The following GPR108 variants were observed in gnomAD, a reference collection of about 807,000 sequenced individuals.
GPR108 encodes G protein-coupled receptor 108, also known as protein GPR108.
Under a neutral mutation model 74.3 loss-of-function variants are expected in GPR108, and 60 were observed. The observed-to-expected ratio is 0.81, with a 90% CI of 0.66 to 1.00. GPR108 has a LOEUF of 1.00. GPR108 is among the 50% of genes least tolerant of loss of function. The pLI is 0.00. For synonymous variants in GPR108, 311 were observed against 292.4 expected (o/e 1.06, Z -0.65); for missense variants, 667 against 703.3 (o/e 0.95, Z 0.58).
At chr19:6,736,290 TCTCA>T (rs930570934) in intron 2 of GPR108, among the ~76,000 whole-genome samples, 21 of 152,166 alleles carry the variant, frequency 1.4e-4, no homozygotes, top group African/African-American at 4.6e-4. Context: ...GAGACGGGGT[TCTCA>T]CTATGTTGCC....
chr19:6,730,909 G>GCCCC, intron 17 of GPR108, 78 bp downstream of exon 17: 1 of 662,532 alleles, frequency 1.5e-6, no homozygotes, highest in Non-Finnish European at 2.3e-6. Context: ...CCTCCCCCCT[G>GCCCC]CCCACCCTGC....
In GPR108 at chr19:6,737,379, G is replaced by A. The variant is rs561698953; in HGVS notation, c.120+78C>T. Reference sequence around the variant, plus strand: ...GCCTCGGGGACGGGGGAGGGCGGACGAGACCACTCCAAGCCAGGGGGCTTC... The same window carrying A: ...GCCTCGGGGACGGGGGAGGGCGGACAAGACCACTCCAAGCCAGGGGGCTTC... On this transcript the variant is annotated intron_variant, in intron 1 of 17. Coordinates refer to ENST00000264080, the MANE Select transcript of GPR108 (RefSeq NM_001080452.2). 1.2e-3 allele frequency: 1,847 copies of A among 1,482,732 alleles called. 2 individuals carry two copies. Among genetic ancestry groups the A allele is most frequent in the Middle Eastern group, 2.1e-3 (9 of 4,370 alleles). The allele number at this position is 1,482,732 out of a possible 1,614,324, so 91.8% of individuals were successfully genotyped here.
rs1478777114 is a variant in GPR108, at chr19:6,733,646, T to G, written c.647A>C (p.Glu216Ala). 6.2e-7 allele frequency: 1 copy of G among 1,614,100 alleles called. No homozygotes were observed. The highest frequency in any genetic ancestry group is 1.7e-5 in the Admixed American group (1 of 60,016). Residue 216 changes from glutamate to alanine, a missense_variant, in exon 8 of 18, where the codon GAA (glutamate) becomes GCA (alanine). Transcript: ENST00000264080. ...SFHVVIGSQA[E>A]EGQYSLNFHN... is the part of the protein sequence containing the mutation. ...GAAGTTCAGGCTGTACTGGCCTTCT[T>G]CCGCCTGAGAGCCGATCACCACGTG...
In GPR108 at chr19:6,733,216, C is replaced by G; in HGVS notation, c.809G>C (p.Cys270Ser). 2 of 1,614,028 alleles carry G rather than the reference C, an allele frequency of 1.2e-6. No homozygotes were observed. Among genetic ancestry groups the G allele is most frequent in the Non-Finnish European group, 1.7e-6 (2 of 1,180,034 alleles). The change falls in exon 9 of 18, where the codon TGC becomes TCC. Residue 270 changes from cysteine to serine, a missense_variant. Transcript: ENST00000264080. Reference protein sequence around the residue: ...LFKLYMVMSACFLAAGIFWVS... With the variant: ...LFKLYMVMSASFLAAGIFWVS... ...CCAGAAGATGCCAGCGGCCAGGAAG[C>G]AGGCGGACATGACCATGTAGAGCTT...
At position 6,732,319 on chromosome 19, in the gene GPR108, T is replaced by C; in HGVS notation, c.1069A>G (p.Lys357Glu). The stretch of plus-strand genomic sequence containing the variant: ...TTCTCCTTATCCGACAGGACGTACT[T>C]GATGAAGGCCCAGCCTGAGCCAATC... ...ALIGSGWAFI[K>E]YVLSDKEKKV... The change falls in exon 12 of 18, where the codon AAG becomes GAG. Residue 357 changes from lysine to glutamate, a missense_variant. Lys to Glu is a moderately conservative substitution (Grantham distance 56). Transcript: ENST00000264080. 1 of 1,613,300 alleles carries C rather than the reference T, an allele frequency of 6.2e-7. No individual in the cohort carries two copies. Among genetic ancestry groups the C allele is most frequent in the Middle Eastern group, 1.6e-4 (1 of 6,062 alleles).
intron 8 of GPR108, 103 bp from the exon 9 acceptor site, chr19:6,733,404 C>T (rs1394114477): frequency 7.5e-7 from 1 of 1,330,394 alleles, no homozygotes; most frequent in Admixed American, 2.0e-5. Flanking sequence ...TCTACTGGGC[C>T]ACTCATCCAC....
In GPR108 at chr19:6,734,173, C is replaced by T. The variant is rs769501447; in HGVS notation, c.499+10G>A. The stretch of plus-strand genomic sequence containing the variant: ...CATCCACCCCCGTCTGCACAGCCAG[C>T]CTGACTCACCGCCATCCACCTTGCG... On this transcript the variant is annotated intron_variant, in intron 5 of 17. Coordinates refer to ENST00000264080, the MANE Select transcript of GPR108 (RefSeq NM_001080452.2). 1.2e-6 allele frequency: 2 copies of T among 1,614,174 alleles called. No homozygotes were observed. The highest frequency in any genetic ancestry group is 2.2e-5 in the East Asian group (1 of 44,886).
intron 9 of GPR108, 39 bp downstream of exon 9, chr19:6,733,129 T>C: frequency 1.2e-6 from 2 of 1,613,020 alleles, no homozygotes; most frequent in East Asian, 4.5e-5. Flanking sequence ...GGGGGTCTGG[T>C]GAAGGGACGT....
In GPR108 at chr19:6,733,774, G is replaced by A. The variant is rs1022425521; in HGVS notation, c.618+71C>T. 4 of 1,585,224 alleles carry A rather than the reference G, an allele frequency of 2.5e-6. No individual in the cohort carries two copies. The African/African-American group carries it at 4.0e-5, about 16-fold the overall frequency. ...CATGGTCTGGGGCGATGGTAGGGCT[G>A]CAGGAGGGCTCAGCTTGGGGGTCCC... On this transcript the variant is annotated intron_variant, in intron 7 of 17. Transcript: ENST00000264080.
intron 10 of GPR108, chr19:6,732,752 T>G (rs1024605272): frequency 1.5e-6 from 1 of 657,854 alleles, no homozygotes; most frequent in African/African-American, 1.8e-5. Context: ...GGTGAATAGT[T>G]GGACAATCAG....
At chr19:6,732,935 C>CG in intron 10 of GPR108, 52 bp downstream of exon 10, 9 of 1,486,902 alleles carry the variant, frequency 6.1e-6, no homozygotes, top group Admixed American at 2.0e-5. Context: ...GGGGATGGCC[C>CG]GGGTGGGCCT....
chr19:6,730,881 C>G (rs538592717), intron 17 of GPR108, 106 bp downstream of exon 17: 3 of 1,238,022 alleles, frequency 2.4e-6, no homozygotes, highest in South Asian at 2.7e-5. Flanking sequence ...TAACACTGCC[C>G]CCAGGGCTGC....
In GPR108 at chr19:6,737,550, G is replaced by T. The variant is rs990233981; in HGVS notation, c.27C>A (p.Leu9=). 1 of 1,537,052 alleles carries T rather than the reference G, an allele frequency of 6.5e-7. No homozygotes were observed. The highest frequency in any genetic ancestry group is 1.4e-5 in the African/African-American group (1 of 70,908). The change falls in exon 1 of 18, where the codon CTC becomes CTA. Residue 9 remains leucine (L), a synonymous_variant. Transcript: ENST00000264080. MAVSERRG[L]GRGSPAEWGQ... The stretch of plus-strand genomic sequence containing the variant: ...CCCACTCCGCGGGGCTCCCGCGGCC[G>T]AGCCCCCTCCTCTCGCTCACTGCCA...
chr19:6,737,286 G>C (rs1477550080), intron 1 of GPR108, 171 bp downstream of exon 1: 1 of 844,436 alleles, frequency 1.2e-6, no homozygotes, highest in Non-Finnish European at 1.7e-6. Flanking sequence ...TCCATCCGGA[G>C]GACCGAAGGG....
chr19:6,733,753 G>C (rs1968518942), intron 7 of GPR108, 79 bp from the exon 8 acceptor site: 9 of 1,579,162 alleles, frequency 5.7e-6, no homozygotes, highest in Middle Eastern at 1.7e-4. Flanking sequence ...GGGTCCCATG[G>C]TCTGGGGCGA....
rs1568234613 is a variant in GPR108, at chr19:6,730,285, A to AC, written c.*26dup. 1.2e-6 allele frequency: 2 copies of AC among 1,603,692 alleles called. No individual in the cohort carries two copies. Among genetic ancestry groups the AC allele is most frequent in the Non-Finnish European group, 1.7e-6 (2 of 1,170,700 alleles). ...GAGTGAGAAATGCTGGGGGAGGACG[A>AC]CCCTTTGGTCTGAGATGTGGAGGTG... On this transcript the variant is annotated 3_prime_UTR_variant, in exon 18 of 18. Transcript: ENST00000264080.
intron 3 of GPR108, 65 bp downstream of exon 3, chr19:6,735,843 C>A: frequency 6.4e-7 from 1 of 1,559,450 alleles, no homozygotes; most frequent in South Asian, 1.1e-5. Context: ...GTTACAGATG[C>A]AGAGGACAGA....
chr19:6,737,525 C>A lies in GPR108; in HGVS notation c.52G>T (p.Gly18Trp), dbSNP rs767775980. 26 of 1,570,294 alleles carry A rather than the reference C, an allele frequency of 1.7e-5. No individual in the cohort carries two copies. Among genetic ancestry groups the A allele is most frequent in the Admixed American group, 7.2e-5 (4 of 55,752 alleles). Residue 18 changes from glycine to tryptophan, a missense_variant, in exon 1 of 18, where the codon GGG (glycine) becomes TGG (tryptophan). Coordinates refer to ENST00000264080, the MANE Select transcript of GPR108 (RefSeq NM_001080452.2). Reference protein sequence around the residue: ...GLGRGSPAEWGQRLLLVLLLG... With the variant: ...GLGRGSPAEWWQRLLLVLLLG... ...AGCAGCACCAGAAGTAGCCGCTGCC[C>A]CCACTCCGCGGGGCTCCCGCGGCCG...
intron 10 of GPR108, 85 bp from the exon 11 acceptor site, chr19:6,732,634 C>T (rs531602033): frequency 1.4e-4 from 146 of 1,041,112 alleles, no homozygotes; most frequent in Admixed American, 8.9e-4. Flanking sequence ...GAACACGGAC[C>T]GTCACCATCA....
Sources: gnomAD v4.1 joint callset for allele counts (sites outside exome capture counted in the v4.1 genomes callset) on GRCh38, gnomAD v4.1.1 for gene constraint, MANE v1.5 for transcripts, NCBI Gene and HGNC (gene_info 2026-07-23, HGNC 2026-07-21) for gene names.